LRMDA: variants seen among roughly 807,000 people sequenced by gnomAD.
The protein encoded by LRMDA is leucine rich melanocyte differentiation associated.
Under a neutral mutation model 29.8 loss-of-function variants are expected in LRMDA, and 18 were observed. The observed-to-expected ratio is 0.60, with a 90% CI of 0.42 to 0.90. LRMDA has a LOEUF of 0.90. Among genes scored for constraint, LRMDA ranks in the 40% least tolerant of loss-of-function variants. The probability of loss-of-function intolerance (pLI) is 0.00; values close to 1 mark genes in which losing one functional copy is unlikely to be tolerated. For synonymous variants in LRMDA, 125 were observed against 109.4 expected (o/e 1.14, Z -0.89); for missense variants, 273 against 273.9 (o/e 1.00, Z 0.02).
chr10:76,277,034 G>A (rs549965006), intron 5 of LRMDA, among the ~76,000 whole-genome samples: 7 of 152,216 alleles, frequency 4.6e-5, no homozygotes, highest in African/African-American at 1.7e-4. Flanking sequence ...AGATGAGCTG[G>A]GAACTTGTGT....
intron 2 of LRMDA, among the ~76,000 whole-genome samples, chr10:75,491,726 T>C (rs929244253): frequency 6.6e-6 from 1 of 152,142 alleles, no homozygotes; most frequent in African/African-American, 2.4e-5. Flanking sequence ...CTTGGTCAGA[T>C]GTAGGGATTT....
intron 2 of LRMDA, among the ~76,000 whole-genome samples, chr10:75,750,745 A>T (rs974509220): frequency 2.1e-5 from 3 of 143,676 alleles, no homozygotes; most frequent in Non-Finnish European, 4.5e-5. Flanking sequence ...GGCTCCTCAC[A>T]TCCCAGACGA....
intron 2 of LRMDA, among the ~76,000 whole-genome samples, chr10:75,851,904 T>G (rs1844738390): frequency 6.6e-6 from 1 of 152,228 alleles, no homozygotes; most frequent in South Asian, 2.1e-4. Context: ...TAATTCACCT[T>G]TGTAGCATTG....
At chr10:76,118,555 AATAC>A (rs1849705387) in intron 5 of LRMDA, among the ~76,000 whole-genome samples, 1 of 152,204 alleles carries the variant, frequency 6.6e-6, no homozygotes, top group Admixed American at 6.5e-5. Context: ...ATTTGAGGCT[AATAC>A]ATACACAAGA....
chr10:76,481,060 A>G (rs556510619), intron 6 of LRMDA, among the ~76,000 whole-genome samples: 1 of 152,028 alleles, frequency 6.6e-6, no homozygotes, highest in East Asian at 1.9e-4. Flanking sequence ...ATTGATATTC[A>G]CTTTTTGGGT....
intron 2 of LRMDA, among the ~76,000 whole-genome samples, chr10:75,939,625 A>C (rs1459916932): frequency 6.6e-6 from 1 of 152,136 alleles, no homozygotes; most frequent in African/African-American, 2.4e-5. Context: ...TAAAACCTAG[A>C]GAGGTCACAT....
chr10:76,445,769 G>T (rs981619574), intron 6 of LRMDA, among the ~76,000 whole-genome samples: 1 of 152,172 alleles, frequency 6.6e-6, no homozygotes, highest in Non-Finnish European at 1.5e-5. Context: ...TGACAACTTG[G>T]AGTGGAGGGA....
At chr10:76,551,778 T>A (rs1396549942) in intron 6 of LRMDA, among the ~76,000 whole-genome samples, 2 of 152,092 alleles carry the variant, frequency 1.3e-5, no homozygotes, top group African/African-American at 4.8e-5. Flanking sequence ...ATGGAAACAT[T>A]GTTCTAGAGC....
At chr10:75,555,399 G>A (rs190180149) in intron 2 of LRMDA, among the ~76,000 whole-genome samples, 92 of 152,266 alleles carry the variant, frequency 6.0e-4, no homozygotes, top group African/African-American at 2.2e-3. Flanking sequence ...GACAACCTTA[G>A]CTGCTGGAAG....
chr10:75,794,216 G>A (rs952535561), intron 2 of LRMDA, among the ~76,000 whole-genome samples: 4 of 152,158 alleles, frequency 2.6e-5, no homozygotes, highest in Admixed American at 1.3e-4. Context: ...TCTTATGTGT[G>A]TTATTCAATG....
intron 5 of LRMDA, among the ~76,000 whole-genome samples, chr10:76,228,739 T>C (rs567263569): frequency 2.0e-5 from 3 of 152,232 alleles, no homozygotes; most frequent in South Asian, 2.1e-4. Flanking sequence ...GCAGGAGTAA[T>C]TGGGGACATT....
chr10:75,943,150 A>G (rs1589261539), intron 2 of LRMDA, among the ~76,000 whole-genome samples: 1 of 148,344 alleles, frequency 6.7e-6, no homozygotes, highest in Non-Finnish European at 1.5e-5. Context: ...AAAAGCACCC[A>G]CTGATGTTTT....
intron 2 of LRMDA, among the ~76,000 whole-genome samples, chr10:75,661,102 G>A (rs1000457017): frequency 9.2e-5 from 14 of 152,118 alleles, no homozygotes; most frequent in African/African-American, 2.9e-4. Context: ...GCAGCCAGGC[G>A]GATCTTAATT....
intron 2 of LRMDA, among the ~76,000 whole-genome samples, chr10:75,944,491 A>AT (rs1176148161): frequency 1.3e-5 from 2 of 151,086 alleles, no homozygotes; most frequent in Non-Finnish European, 3.0e-5. Context: ...CTTCATATAT[A>AT]TTTTTTTCTG....
chr10:76,192,855 A>T (rs539405330), intron 5 of LRMDA, among the ~76,000 whole-genome samples: 4 of 152,318 alleles, frequency 2.6e-5, no homozygotes, highest in African/African-American at 9.6e-5. Context: ...TCAGACTTGC[A>T]CTGCTCCGAA....
intron 2 of LRMDA, among the ~76,000 whole-genome samples, chr10:75,536,731 A>AT (rs931751390): frequency 6.6e-5 from 10 of 151,630 alleles, no homozygotes; most frequent in African/African-American, 1.7e-4. Flanking sequence ...TAATTCTTAA[A>AT]TTTTTTTTGT....
At chr10:76,280,224 A>C (rs10740456) in intron 5 of LRMDA, among the ~76,000 whole-genome samples, 102,841 of 152,064 alleles carry the variant, frequency 0.68, 35,825 homozygotes, top group East Asian at 0.89. Context: ...TAATCCTTAG[A>C]CTTTATAGGA....
At chr10:75,865,872 T>G (rs1845009810) in intron 2 of LRMDA, among the ~76,000 whole-genome samples, 1 of 152,232 alleles carries the variant, frequency 6.6e-6, no homozygotes, top group Non-Finnish European at 1.5e-5. Flanking sequence ...CAATGAAAAC[T>G]AATTTTGATT....
chr10:76,385,187 A>T (rs1445613299), intron 6 of LRMDA, among the ~76,000 whole-genome samples: 1 of 152,204 alleles, frequency 6.6e-6, no homozygotes, highest in Non-Finnish European at 1.5e-5. Flanking sequence ...GAAATACGGA[A>T]TTGGCTTTCA....
Sources: allele counts gnomAD v4.1 joint callset (sites outside exome capture counted in the v4.1 genomes callset), GRCh38; gene constraint gnomAD v4.1.1; transcripts MANE v1.5; gene names NCBI Gene and HGNC (gene_info 2026-07-23, HGNC 2026-07-21).